The following LSP1 variants were observed in gnomAD, a reference collection of about 807,000 sequenced individuals.
The protein encoded by LSP1 is lymphocyte specific protein 1.
In LSP1, 32 loss-of-function variants were observed where a neutral mutation model predicts 49.3. That is an observed-to-expected ratio of 0.65 (90% confidence interval 0.49 to 0.87). The LOEUF (loss-of-function observed/expected upper bound fraction) is 0.87. Among genes scored for constraint, LSP1 ranks in the 40% least tolerant of loss-of-function variants. The probability of loss-of-function intolerance (pLI) is 0.00; values close to 1 mark genes in which losing one functional copy is unlikely to be tolerated. For synonymous variants in LSP1, 179 were observed against 178.8 expected, an observed-to-expected ratio of 1.00 and a Z score of -0.01; for missense variants, 428 against 442.6, an observed-to-expected ratio of 0.97 and a Z score of 0.30.
intron 10 of LSP1, chr11:1,889,459 C>T (rs993746568): frequency 3.1e-6 from 2 of 635,108 alleles, no homozygotes; most frequent in Middle Eastern, 2.5e-4. Flanking sequence ...GGGGCAGGCA[C>T]CTCCTGCTCT....
At chr11:1,861,809 A>AGAT (rs1847643244) in intron 1 of LSP1, among the ~76,000 whole-genome samples, 1 of 89,920 alleles carries the variant, frequency 1.1e-5, no homozygotes, top group Non-Finnish European at 2.3e-5. Flanking sequence ...ATGGATGAAT[A>AGAT]GATGGATGGG....
intron 1 of LSP1, chr11:1,869,672 G>A (rs1274222138): frequency 1.3e-5 from 6 of 470,762 alleles, no homozygotes; most frequent in Admixed American, 7.0e-5. Flanking sequence ...AAAGACGGGC[G>A]GTAGGAGGAA....
Position 1,881,503 on chromosome 11 carries a change from C to T in LSP1, c.263C>T (p.Pro88Leu). Reference protein sequence around the residue: ...DEGFGDWSQRPEQRQQHEGAQ... With the variant: ...DEGFGDWSQRLEQRQQHEGAQ... Reference sequence around the variant, plus strand: ...GGCTTTGGCGACTGGTCCCAGAGGCCAGAGCAGCGGCAGCAGCACGAGGGG... The same window carrying T: ...GGCTTTGGCGACTGGTCCCAGAGGCTAGAGCAGCGGCAGCAGCACGAGGGG... The change falls in exon 3 of 11, where the codon CCA (proline) becomes CTA (leucine). Residue 88 changes from proline (P) to leucine (L), a missense_variant. Pro to Leu is a moderately conservative substitution (Grantham distance 98). Transcript: ENST00000311604. 6.4e-7 allele frequency: 1 copy of T among 1,572,990 alleles called. No individual in the cohort carries two copies. The highest frequency in any genetic ancestry group is 8.6e-7 in the Non-Finnish European group (1 of 1,158,506).
At chr11:1,886,647 A>G (rs1848761957) in intron 7 of LSP1, 85 bp from the exon 8 acceptor site, 1 of 1,436,124 alleles carries the variant, frequency 7.0e-7, no homozygotes, top group African/African-American at 1.4e-5. Context: ...ACAAACACAA[A>G]GCAGACGGTT....
intron 1 of LSP1, chr11:1,876,736 G>A: frequency 1.4e-6 from 1 of 730,764 alleles, no homozygotes; most frequent in African/African-American, 2.1e-5. Context: ...GGTTTGTGGA[G>A]GAAGGAGAAG....
chr11:1,863,738 T>A (rs1847702809), intron 1 of LSP1: 1 of 152,224 alleles, frequency 6.6e-6, no homozygotes, highest in Non-Finnish European at 1.5e-5. Flanking sequence ...TGCTCCTCCC[T>A]GGGCCAGGGC....
chr11:1,854,834 A>G (rs1847448065), intron 1 of LSP1, among the ~76,000 whole-genome samples: 1 of 152,192 alleles, frequency 6.6e-6, no homozygotes, highest in Admixed American at 6.5e-5. Context: ...GAAGGGCAGG[A>G]CATGAGCCTC....
intron 1 of LSP1, among the ~76,000 whole-genome samples, chr11:1,855,827 C>T (rs1374037306): frequency 2.6e-5 from 4 of 152,210 alleles, no homozygotes; most frequent in African/African-American, 9.6e-5. Flanking sequence ...TGGGGGATGC[C>T]TGCCCTCTAT....
intron 1 of LSP1, among the ~76,000 whole-genome samples, chr11:1,875,755 G>A (rs1227988004): frequency 6.6e-6 from 1 of 152,192 alleles, no homozygotes; most frequent in African/African-American, 2.4e-5. Flanking sequence ...ACCAGGCGTT[G>A]GGGGGCAGGT....
At chr11:1,886,932 G>A (rs954759419) in intron 8 of LSP1, 66 bp downstream of exon 8, 25 of 1,560,560 alleles carry the variant, frequency 1.6e-5, no homozygotes, top group Admixed American at 3.7e-5. Flanking sequence ...GTAGCAGGCC[G>A]GGTTTCCTTG....
At chr11:1,856,473 G>A (rs567656039) in intron 1 of LSP1, among the ~76,000 whole-genome samples, 249 of 152,310 alleles carry the variant, frequency 1.6e-3, no homozygotes, top group African/African-American at 5.8e-3. Context: ...GTGGGAGGCC[G>A]CTGCCCAGGG....
At chr11:1,855,165 C>A (rs1408075237) in intron 1 of LSP1, among the ~76,000 whole-genome samples, 1 of 152,192 alleles carries the variant, frequency 6.6e-6, no homozygotes, top group African/African-American at 2.4e-5. Flanking sequence ...CAGAATGAAA[C>A]TGAGAGCCCC....
intron 1 of LSP1, among the ~76,000 whole-genome samples, chr11:1,877,167 G>A (rs190918680): frequency 1.3e-5 from 2 of 152,246 alleles, no homozygotes; most frequent in African/African-American, 4.8e-5. Flanking sequence ...CCTTTCCCAG[G>A]CCAGAGGCCC....
intron 3 of LSP1, among the ~76,000 whole-genome samples, chr11:1,882,586 C>T (rs1327733756): frequency 6.6e-6 from 1 of 152,160 alleles, no homozygotes; most frequent in African/African-American, 2.4e-5. Flanking sequence ...CTCCCTTGGC[C>T]TCAGGCCTAG....
chr11:1,863,086 G>A (rs1231329740), intron 1 of LSP1, among the ~76,000 whole-genome samples: 1 of 152,170 alleles, frequency 6.6e-6, no homozygotes, highest in East Asian at 1.9e-4. Context: ...TGTATGTAGG[G>A]AGTGGGGACG....
At chr11:1,869,096 A>T in intron 1 of LSP1, 1 of 786,912 alleles carries the variant, frequency 1.3e-6, no homozygotes, top group Non-Finnish European at 1.5e-6. Context: ...TGGGGCGGGG[A>T]CCATTAGGGA....
At chr11:1,870,303 T>A in intron 1 of LSP1, 3 of 1,297,708 alleles carry the variant, frequency 2.3e-6, no homozygotes, top group South Asian at 2.5e-5. Flanking sequence ...CTTACTCCCA[T>A]CCTGGGGCTT....
chr11:1,861,513 T>C (rs1847627841), intron 1 of LSP1, among the ~76,000 whole-genome samples: 1 of 152,122 alleles, frequency 6.6e-6, no homozygotes. Context: ...GGTGGATGGA[T>C]GGATGGGTGG....
intron 1 of LSP1, among the ~76,000 whole-genome samples, chr11:1,876,950 C>T (rs1848335504): frequency 2.0e-5 from 3 of 152,130 alleles, no homozygotes; most frequent in South Asian, 2.1e-4. Flanking sequence ...TGGATGGAGC[C>T]CCCCCACCGC....
Sources: gnomAD v4.1 joint callset for allele counts (sites outside exome capture counted in the v4.1 genomes callset) on GRCh38, gnomAD v4.1.1 for gene constraint, MANE v1.5 for transcripts, NCBI Gene and HGNC (gene_info 2026-07-23, HGNC 2026-07-21) for gene names.